MGAT4C: variants seen among roughly 807,000 people sequenced by gnomAD.
MGAT4C encodes the protein MGAT4 family member C, also known as alpha-1,3-mannosyl-glycoprotein 4-beta-N-acetylglucosaminyltransferase C.
A neutral mutation model predicts 40.1 loss-of-function variants in MGAT4C; 19 were observed. The ratio of observed to expected loss-of-function variants is 0.47; its 90% CI spans 0.33 to 0.70. MGAT4C has a LOEUF of 0.70. Among genes scored for constraint, MGAT4C ranks in the 30% least tolerant of loss-of-function variants. MGAT4C has a pLI of 0.02. For missense variants in MGAT4C, 491 were observed against 563.2 expected, an observed-to-expected ratio of 0.87 and a Z score of 1.30; for synonymous variants, 181 against 187.1, an observed-to-expected ratio of 0.97 and a Z score of 0.27.
chr12:86,493,475 T>A (rs1019105180), intron 2 of MGAT4C, among the ~76,000 whole-genome samples: 3 of 152,094 alleles, frequency 2.0e-5, no homozygotes, highest in African/African-American at 7.2e-5. Context: ...CCATAAAAAA[T>A]GATGAGTTCA....
At chr12:86,586,014 T>C (rs1239947654) in intron 2 of MGAT4C, among the ~76,000 whole-genome samples, 1 of 150,728 alleles carries the variant, frequency 6.6e-6, no homozygotes, top group African/African-American at 2.4e-5. Context: ...GTTAGTTACA[T>C]AGGTATACAT....
At chr12:86,821,691 A>G (rs1952709177) in intron 1 of MGAT4C, among the ~76,000 whole-genome samples, 1 of 150,960 alleles carries the variant, frequency 6.6e-6, no homozygotes, top group East Asian at 1.9e-4. Context: ...ATAGGTTAGA[A>G]CTGTCTGTTT....
intron 1 of MGAT4C, among the ~76,000 whole-genome samples, chr12:86,197,587 A>C (rs61948990): frequency 0.083 from 12,667 of 152,258 alleles, 627 homozygotes; most frequent in Middle Eastern, 0.22. Context: ...ATGTTGGCAC[A>C]GTTATCCCAG....
chr12:86,162,766 T>C (rs1885742668), intron 1 of MGAT4C, among the ~76,000 whole-genome samples: 1 of 152,192 alleles, frequency 6.6e-6, no homozygotes, highest in Non-Finnish European at 1.5e-5. Context: ...AAATATTCAT[T>C]AAAATAAATT....
At chr12:86,411,799 C>T (rs1956610755) in intron 3 of MGAT4C, among the ~76,000 whole-genome samples, 1 of 152,084 alleles carries the variant, frequency 6.6e-6, no homozygotes, top group Non-Finnish European at 1.5e-5. Context: ...GTCTTCACAC[C>T]AGACCCTCCC....
intron 2 of MGAT4C, among the ~76,000 whole-genome samples, chr12:86,024,931 T>G (rs577194024): frequency 6.6e-6 from 1 of 151,788 alleles, no homozygotes; most frequent in South Asian, 2.1e-4. Flanking sequence ...ATTTTCAGCC[T>G]CTTAAGTTTA....
chr12:86,042,392 G>A (rs1891945882), intron 2 of MGAT4C, among the ~76,000 whole-genome samples: 1 of 152,022 alleles, frequency 6.6e-6, no homozygotes, highest in Admixed American at 6.6e-5. Flanking sequence ...TTGTGTAGTT[G>A]CTTTATAGTG....
chr12:86,808,247 A>G (rs1000823262), intron 1 of MGAT4C, among the ~76,000 whole-genome samples: 1 of 152,102 alleles, frequency 6.6e-6, no homozygotes, highest in Non-Finnish European at 1.5e-5. Context: ...CAAGCAATTG[A>G]AAGGAGAGAC....
At position 86,422,097 on chromosome 12, in the gene MGAT4C, T is replaced by A. The variant is rs191384060; in HGVS notation, c.-120+13060A>T. 1.0e-3 allele frequency among the ~76,000 whole-genome samples: 156 copies of A among 152,268 alleles called. 2 individuals carry two copies. The Middle Eastern group carries it at 0.034, about 33-fold the overall frequency. On this transcript the variant is annotated intron_variant, in intron 3 of 7. Transcript: ENST00000548651. ...CAAAGATAAGACAGAATGATACAGA[T>A]TGACAGAATGATGAAAATCAAGGGG... is the stretch of plus-strand genomic sequence containing the variant.
intron 1 of MGAT4C, among the ~76,000 whole-genome samples, chr12:86,833,444 T>C (rs557214364): frequency 1.3e-5 from 2 of 151,924 alleles, no homozygotes; most frequent in Non-Finnish European, 2.9e-5. Flanking sequence ...AATTGAAAGG[T>C]TGCAAGTCTG....
chr12:86,421,970 T>C (rs1396808446), intron 3 of MGAT4C, among the ~76,000 whole-genome samples: 2 of 152,222 alleles, frequency 1.3e-5, no homozygotes, highest in Non-Finnish European at 2.9e-5. Context: ...ATTACTTAAA[T>C]GTATGACAAA....
intron 4 of MGAT4C, among the ~76,000 whole-genome samples, chr12:86,303,675 T>G (rs1953868302): frequency 6.6e-6 from 1 of 150,444 alleles, no homozygotes; most frequent in South Asian, 2.1e-4. Context: ...TTTCTGCATA[T>G]AGTAATGAAG....
At chr12:86,544,464 G>A (rs1293098906) in intron 2 of MGAT4C, among the ~76,000 whole-genome samples, 2 of 151,940 alleles carry the variant, frequency 1.3e-5, no homozygotes, top group East Asian at 1.9e-4. Context: ...ATTATCTAAT[G>A]TTTCTGAAAG....
At chr12:86,447,746 G>T (rs1239311975) in intron 2 of MGAT4C, among the ~76,000 whole-genome samples, 5 of 152,104 alleles carry the variant, frequency 3.3e-5, no homozygotes, top group Non-Finnish European at 7.4e-5. Context: ...TATAGCTATA[G>T]ATGCAAATAT....
chr12:86,353,972 G>C (rs1271827205), intron 3 of MGAT4C, among the ~76,000 whole-genome samples: 1 of 152,142 alleles, frequency 6.6e-6, no homozygotes, highest in African/African-American at 2.4e-5. Context: ...CTGGAGAAAA[G>C]CTGGAGAAAA....
At chr12:86,701,155 C>T (rs1475485562) in intron 2 of MGAT4C, among the ~76,000 whole-genome samples, 1 of 151,954 alleles carries the variant, frequency 6.6e-6, no homozygotes, top group Non-Finnish European at 1.5e-5. Flanking sequence ...ATACATTCAA[C>T]TAATGATTAA....
intron 1 of MGAT4C, among the ~76,000 whole-genome samples, chr12:86,759,320 T>A (rs1279438094): frequency 6.6e-6 from 1 of 152,168 alleles, no homozygotes. Context: ...CCTATTTGGC[T>A]GTTGTGAATA....
chr12:86,533,749 C>A (rs1005813745), intron 2 of MGAT4C, among the ~76,000 whole-genome samples: 5 of 151,374 alleles, frequency 3.3e-5, no homozygotes, highest in African/African-American at 1.2e-4. Context: ...TGATGGACCC[C>A]CCTTTAGGCC....
chr12:86,047,550 G>A (rs1264140444), intron 2 of MGAT4C, among the ~76,000 whole-genome samples: 4 of 152,094 alleles, frequency 2.6e-5, no homozygotes, highest in Non-Finnish European at 5.9e-5. Context: ...ATTACATTTT[G>A]ACTGCTTCAT....
Sources: gnomAD v4.1 joint callset for allele counts (sites outside exome capture counted in the v4.1 genomes callset) on GRCh38, gnomAD v4.1.1 for gene constraint, MANE v1.5 for transcripts, NCBI Gene and HGNC (gene_info 2026-07-23, HGNC 2026-07-21) for gene names.